Variants in CHIC2 observed in about 807,000 individuals in gnomAD.
The protein encoded by CHIC2 is cysteine rich hydrophobic domain 2.
A neutral mutation model predicts 25.9 loss-of-function variants in CHIC2; 14 were observed. That is an observed-to-expected ratio of 0.54 (90% CI 0.36 to 0.85). CHIC2 has a LOEUF of 0.85. CHIC2 is among the 40% of genes least tolerant of loss of function. The pLI, the probability that CHIC2 is intolerant of heterozygous loss-of-function variation, is 0.01. For synonymous variants in CHIC2, 70 were observed against 72.0 expected (o/e 0.97, Z 0.14); for missense variants, 146 against 202.0 (o/e 0.72, Z 1.68).
intron 3 of CHIC2, among the ~76,000 whole-genome samples, chr4:54,029,646 G>C (rs1454334595): frequency 6.6e-6 from 1 of 152,130 alleles, no homozygotes; most frequent in Non-Finnish European, 1.5e-5. Context: ...TATGTTGTTA[G>C]AGGTATTTTT....
chr4:54,032,499 C>T (rs959299120), intron 3 of CHIC2, among the ~76,000 whole-genome samples: 1 of 152,142 alleles, frequency 6.6e-6, no homozygotes, highest in Non-Finnish European at 1.5e-5. Flanking sequence ...AGCTCCTAAC[C>T]GCGAGTGATC....
chr4:54,087,368 C>A, the CHIC2 span: 4 of 564,188 alleles, frequency 7.1e-6, no homozygotes, highest in East Asian at 3.0e-5. Context: ...GTTTTAACTC[C>A]CTGCTAAGCA....
At chr4:54,052,722 T>C (rs756463876) in intron 1 of CHIC2, among the ~76,000 whole-genome samples, 3 of 152,218 alleles carry the variant, frequency 2.0e-5, no homozygotes, top group Non-Finnish European at 4.4e-5. Context: ...AAATATTTTA[T>C]GTTGGCAAGA....
intron 3 of CHIC2, among the ~76,000 whole-genome samples, chr4:54,038,513 T>G (rs1238228375): frequency 2.6e-5 from 4 of 152,140 alleles, no homozygotes. Flanking sequence ...ATGTTCTTGG[T>G]TTAGAGGACT....
the CHIC2 span, among the ~76,000 whole-genome samples, chr4:54,072,233 G>GC: frequency 6.6e-6 from 1 of 151,778 alleles, no homozygotes; most frequent in Non-Finnish European, 1.5e-5. Flanking sequence ...AACCTGGAAG[G>GC]GGAGCTTGCA....
intron 3 of CHIC2, among the ~76,000 whole-genome samples, chr4:54,020,896 G>T (rs181031205): frequency 6.6e-6 from 1 of 152,098 alleles, no homozygotes; most frequent in South Asian, 2.1e-4. Context: ...CTGCAGGGAC[G>T]CCTGCCTTGG....
the CHIC2 span, among the ~76,000 whole-genome samples, chr4:54,076,237 G>A: frequency 6.6e-6 from 1 of 151,906 alleles, no homozygotes; most frequent in African/African-American, 2.4e-5. Flanking sequence ...AGTGAGCCAT[G>A]ATCATGCCAC....
the CHIC2 span, among the ~76,000 whole-genome samples, chr4:54,088,217 A>G: frequency 6.6e-6 from 1 of 152,110 alleles, no homozygotes; most frequent in Non-Finnish European, 1.5e-5. Flanking sequence ...TTGAAGTAAA[A>G]CAGCCCATCC....
intron 3 of CHIC2, among the ~76,000 whole-genome samples, chr4:54,046,312 T>A: frequency 6.6e-6 from 1 of 152,094 alleles, no homozygotes. Flanking sequence ...TTAAAGCTCA[T>A]ATGGAACCAA....
intron 1 of CHIC2, among the ~76,000 whole-genome samples, chr4:54,055,741 A>T (rs1477519978): frequency 6.6e-6 from 1 of 152,202 alleles, no homozygotes; most frequent in Non-Finnish European, 1.5e-5. Context: ...CTAGTTTTGG[A>T]GATAAAGTCA....
chr4:54,048,211 A>G (rs1283480596), intron 3 of CHIC2, among the ~76,000 whole-genome samples: 1 of 152,172 alleles, frequency 6.6e-6, no homozygotes, highest in Non-Finnish European at 1.5e-5. Context: ...ACTGGTCTTG[A>G]ACTTCTGACC....
At chr4:54,085,436 A>G in the CHIC2 span, among the ~76,000 whole-genome samples, 1 of 152,210 alleles carries the variant, frequency 6.6e-6, no homozygotes, top group Non-Finnish European at 1.5e-5. Flanking sequence ...TTTTCAGTCA[A>G]TGAGCTCATC....
chr4:54,020,345 C>G (rs562100547), intron 3 of CHIC2, among the ~76,000 whole-genome samples: 4 of 152,164 alleles, frequency 2.6e-5, no homozygotes, highest in Non-Finnish European at 5.9e-5. Flanking sequence ...AAACACCACT[C>G]CTAACTCCAC....
intron 3 of CHIC2, among the ~76,000 whole-genome samples, chr4:54,015,696 T>C: frequency 6.6e-6 from 1 of 152,188 alleles, no homozygotes; most frequent in East Asian, 1.9e-4. Flanking sequence ...ACTAGGTCTT[T>C]AGCACAATGC....
chr4:54,084,983 C>CAAAAAAAAAAAAAAAAAAAAAAAAAAAAA, the CHIC2 span, among the ~76,000 whole-genome samples: 22 of 106,756 alleles, frequency 2.1e-4, no homozygotes, highest in African/African-American at 7.6e-4. Context: ...AAAAAAAAAT[C>CAAAAAAAAAAAAAAAAAAAAAAAAAAAAA]AAACAGGTAG....
the CHIC2 span, among the ~76,000 whole-genome samples, chr4:54,078,677 C>T: frequency 2.0e-4 from 30 of 151,802 alleles, no homozygotes; most frequent in South Asian, 8.3e-4. Flanking sequence ...TACCACACCC[C>T]GTTAATTTTG....
chr4:54,053,315 G>A (rs1717064836), intron 1 of CHIC2, among the ~76,000 whole-genome samples: 1 of 152,134 alleles, frequency 6.6e-6, no homozygotes, highest in South Asian at 2.1e-4. Flanking sequence ...CCAGCACTTT[G>A]GGAGGCCAAG....
intron 3 of CHIC2, among the ~76,000 whole-genome samples, chr4:54,040,394 C>T (rs1270748984): frequency 6.6e-6 from 1 of 151,834 alleles, no homozygotes; most frequent in African/African-American, 2.4e-5. Flanking sequence ...TGGTGAAACC[C>T]CGTCTCTACC....
intron 3 of CHIC2, among the ~76,000 whole-genome samples, chr4:54,043,654 C>T (rs2110080456): frequency 6.6e-6 from 1 of 152,156 alleles, no homozygotes; most frequent in Admixed American, 6.5e-5. Flanking sequence ...CCGAAGGAAG[C>T]ACTAAACATG....
Sources: gnomAD v4.1 joint callset for allele counts (sites outside exome capture counted in the v4.1 genomes callset) on GRCh38, gnomAD v4.1.1 for gene constraint, MANE v1.5 for transcripts, NCBI Gene and HGNC (gene_info 2026-07-23, HGNC 2026-07-21) for gene names.